COPZ2: variants seen among roughly 807,000 people sequenced by gnomAD.
COPZ2 encodes the protein coat protein complex I subunit zeta 2.
A neutral mutation model predicts 33.2 loss-of-function variants in COPZ2; 30 were observed. That is an observed-to-expected ratio of 0.90 (90% CI 0.68 to 1.23). The LOEUF is 1.23. Among genes scored for constraint, COPZ2 ranks in the 50% most tolerant of loss-of-function variants. The pLI is 0.00. For missense variants in COPZ2, 263 were observed against 262.4 expected (o/e 1.00, Z -0.02); for synonymous variants, 89 against 102.6 (o/e 0.87, Z 0.80).
chr17:48,032,682 T>A lies in COPZ2; in HGVS notation c.416+4A>T. 6.3e-7 allele frequency: 1 copy of A among 1,585,704 alleles called. No individual in the cohort carries two copies. Among genetic ancestry groups the A allele is most frequent in the Non-Finnish European group, 8.6e-7 (1 of 1,165,732 alleles). On this transcript the variant is annotated splice_donor_region_variant and intron_variant, in intron 5 of 8. Coordinates refer to ENST00000621465, the MANE Select transcript of COPZ2 (RefSeq NM_016429.4). ...GGCCTCGGAGGGCAGAGAACCTCAC[T>A]CACCTTAACATGTGGTTCAGAGACT...
At chr17:48,033,374 G>T in intron 3 of COPZ2, 72 bp from the exon 4 acceptor site, 2 of 808,510 alleles carry the variant, frequency 2.5e-6, no homozygotes, top group South Asian at 1.4e-5. Flanking sequence ...CCTCATGTAT[G>T]ACTCTGTGAC....
At chr17:48,033,539 G>A (rs1348717205) in intron 3 of COPZ2, among the ~76,000 whole-genome samples, 3 of 152,148 alleles carry the variant, frequency 2.0e-5, no homozygotes, top group African/African-American at 7.2e-5. Context: ...TTGTTGACCC[G>A]TTTACCTCCT....
intron 2 of COPZ2, among the ~76,000 whole-genome samples, chr17:48,034,271 G>A (rs1215684398): frequency 2.0e-5 from 3 of 152,172 alleles, no homozygotes; most frequent in African/African-American, 7.2e-5. Context: ...ACCACGCCCA[G>A]CTAATTTTGT....
chr17:48,026,840 C>G (rs1439117953), intron 8 of COPZ2, among the ~76,000 whole-genome samples: 1 of 152,248 alleles, frequency 6.6e-6, no homozygotes, highest in Non-Finnish European at 1.5e-5. Flanking sequence ...TGCTCAGACG[C>G]CTCAGCAAAC....
intron 3 of COPZ2, among the ~76,000 whole-genome samples, chr17:48,033,571 A>G (rs1169697976): frequency 6.6e-6 from 1 of 152,192 alleles, no homozygotes; most frequent in African/African-American, 2.4e-5. Flanking sequence ...CACCCTGTGC[A>G]GCACCTTGGG....
rs1195625075 is a variant in COPZ2, at chr17:48,037,131, G to A, written c.112-206C>T. On this transcript the variant is annotated intron_variant, in intron 1 of 8. Transcript: ENST00000621465. This position sits in a 1 kb window ranked among gnomAD's most constrained non-coding sequence, Gnocchi z 5.6. The stretch of plus-strand genomic sequence containing the variant: ...AGGCAGATGTTCCACTGCAGGCCCC[G>A]AGTGGGCGCTGTGCCCGTTGGGTGC... 3.9e-6 allele frequency: 3 copies of A among 769,138 alleles called. No homozygotes were observed. Among genetic ancestry groups the A allele is most frequent in the Admixed American group, 1.7e-5 (1 of 58,188 alleles). The allele number at this position is 769,138 out of a possible 1,614,324, so 47.6% of individuals were successfully genotyped here. A position where few individuals can be genotyped will look rare whatever the true frequency, so the allele number is the denominator to read the frequency against.
upstream of COPZ2, among the ~76,000 whole-genome samples, chr17:48,041,949 T>G (rs562940651): frequency 6.7e-6 from 1 of 150,312 alleles, no homozygotes; most frequent in Non-Finnish European, 1.5e-5. Flanking sequence ...CCTGGGAAGA[T>G]AGGGGACTTA....
rs560786559 is a variant in COPZ2 at position 48,034,039 on chromosome 17, G to A, written c.187-95C>T. 1.5e-4 allele frequency: 125 copies of A among 819,348 alleles called. 2 individuals carry two copies. In the East Asian group the frequency reaches 2.3e-3, roughly 15 times the overall value. 50.8% of individuals were successfully genotyped at this position (819,348 alleles called of 1,614,324 possible). On this transcript the variant is annotated intron_variant, in intron 2 of 8. Coordinates refer to ENST00000621465, the MANE Select transcript of COPZ2 (RefSeq NM_016429.4). ...AGGAAAGAGTAGGCGCTGGGCAAGCGGGATCCTGCTTCCCTGCCCCATCTC... is the reference window on the plus strand; with the variant it reads ...AGGAAAGAGTAGGCGCTGGGCAAGCAGGATCCTGCTTCCCTGCCCCATCTC...
rs767504186 is a variant in COPZ2 at position 48,032,226 on chromosome 17, C to A, written c.424G>T (p.Val142Leu). ...TTCTCCAGCAACCAGCGCTTCTCCACGTTCTTCCTGAAGGTGGACACAAGC... is the reference window on the plus strand; with the variant it reads ...TTCTCCAGCAACCAGCGCTTCTCCAAGTTCTTCCTGAAGGTGGACACAAGC... ...ESLNHMLRKN[V>L]EKRWLLENMD... The change falls in exon 6 of 9, where the codon GTG (valine) becomes TTG (leucine). Residue 142 changes from valine (V) to leucine (L), a missense_variant. Transcript: ENST00000621465. 1.2e-6 allele frequency: 2 copies of A among 1,612,464 alleles called. No homozygotes were observed. Among genetic ancestry groups the A allele is most frequent in the East Asian group, 2.2e-5 (1 of 44,840 alleles).
Position 48,028,753 on chromosome 17 carries a change from G to C in COPZ2, c.547-243C>G, listed in dbSNP as rs139004107. 2.0e-3 allele frequency among the ~76,000 whole-genome samples: 307 copies of C among 152,128 alleles called. No homozygotes were observed. Among genetic ancestry groups the C allele is most frequent in the Non-Finnish European group, 3.4e-3 (232 of 67,990 alleles). ...GATGGGAAGAAAGATGGGAAGAAAGGTTTCATCCAGACATGAGAAAGCCAA... is the reference window on the plus strand; with the variant it reads ...GATGGGAAGAAAGATGGGAAGAAAGCTTTCATCCAGACATGAGAAAGCCAA... On this transcript the variant is annotated intron_variant, in intron 7 of 8. Transcript: ENST00000621465. This position sits in a 1 kb window ranked among gnomAD's most constrained non-coding sequence, Gnocchi z 4.5.
chr17:48,033,085 C>T lies in COPZ2; in HGVS notation c.360+126G>A, dbSNP rs1483182914. On this transcript the variant is annotated intron_variant, in intron 4 of 8. Coordinates refer to ENST00000621465, the MANE Select transcript of COPZ2 (RefSeq NM_016429.4). ...GAACCCTTCTGGCTGCCCTCCTCTA[C>T]CCCATGGAGCCTAAAAGAAGGGGTC... 4.5e-5 allele frequency: 31 copies of T among 686,890 alleles called. No individual in the cohort carries two copies. In the Admixed American group the frequency reaches 6.4e-4, roughly 14 times the overall value. The allele number at this position is 686,890 out of a possible 1,614,324, so 42.5% of individuals were successfully genotyped here.
At chr17:48,031,934 G>C (rs2144301346) in intron 6 of COPZ2, 1 of 592,464 alleles carries the variant, frequency 1.7e-6, no homozygotes, top group Non-Finnish European at 3.0e-6. Flanking sequence ...CATCAGGTTA[G>C]TCTCTTGTTT....
At chr17:48,040,956 C>A (rs1301537019), upstream of COPZ2, among the ~76,000 whole-genome samples, 1 of 151,592 alleles carries the variant, frequency 6.6e-6, no homozygotes, top group East Asian at 2.0e-4. Flanking sequence ...TCGAGACCAG[C>A]CTGGCCAACA....
chr17:48,038,816 C>A (rs999480003), upstream of COPZ2, among the ~76,000 whole-genome samples: 2 of 152,224 alleles, frequency 1.3e-5, no homozygotes, highest in African/African-American at 4.8e-5. Context: ...TCACTGAATG[C>A]ATCAAGTCTT....
At chr17:48,044,648 G>A in the COPZ2 span, among the ~76,000 whole-genome samples, 148 of 152,176 alleles carry the variant, frequency 9.7e-4, 3 homozygotes, top group South Asian at 0.029. Flanking sequence ...CTAAGAGTGT[G>A]GTAGTGGTGC....
intron 6 of COPZ2, among the ~76,000 whole-genome samples, chr17:48,030,161 C>G (rs955816896): frequency 6.7e-6 from 1 of 148,370 alleles, no homozygotes; most frequent in Non-Finnish European, 1.5e-5. Context: ...GTGGCGCACG[C>G]CTATAATCCC....
chr17:48,044,518 T>C, the COPZ2 span, among the ~76,000 whole-genome samples: 1 of 151,404 alleles, frequency 6.6e-6, no homozygotes, highest in Non-Finnish European at 1.5e-5. Flanking sequence ...AATACTGATG[T>C]CCAATTCTGC....
At chr17:48,039,637 G>A (rs1479116332), upstream of COPZ2, among the ~76,000 whole-genome samples, 1 of 152,138 alleles carries the variant, frequency 6.6e-6, no homozygotes, top group Non-Finnish European at 1.5e-5. Context: ...TTGGGATACA[G>A]GCGTGAACCA....
upstream of COPZ2, among the ~76,000 whole-genome samples, chr17:48,042,503 C>T (rs2037072116): frequency 1.3e-5 from 2 of 151,974 alleles, no homozygotes; most frequent in African/African-American, 2.4e-5. Context: ...ACTCTGTCGC[C>T]CAGGCTGGAG....
Sources: allele counts gnomAD v4.1 joint callset (sites outside exome capture counted in the v4.1 genomes callset), GRCh38; gene constraint gnomAD v4.1.1; non-coding constraint Gnocchi (gnomAD v3.1); transcripts MANE v1.5; gene names NCBI Gene and HGNC (gene_info 2026-07-23, HGNC 2026-07-21).